Variants in SNX29 observed in about 807,000 individuals in gnomAD.
SNX29 encodes sorting nexin 29, also known as sorting nexin-29.
In SNX29, 78 loss-of-function variants were observed where a neutral mutation model predicts 102.1. The observed-to-expected ratio is 0.76, with a 90% CI of 0.64 to 0.92. The LOEUF (loss-of-function observed/expected upper bound fraction) is 0.92. Among genes scored for constraint, SNX29 ranks in the 40% least tolerant of loss-of-function variants. The pLI, the probability that SNX29 is intolerant of heterozygous loss-of-function variation, is 0.00. For missense variants in SNX29, 1,280 were observed against 1,061.7 expected (o/e 1.21, Z -2.86); for synonymous variants, 580 against 414.5 (o/e 1.40, Z -4.85).
chr16:12,024,429 A>G (rs928296324), intron 3 of SNX29, among the ~76,000 whole-genome samples: 13 of 152,288 alleles, frequency 8.5e-5, no homozygotes, highest in African/African-American at 3.1e-4. Flanking sequence ...TATAAGTGTG[A>G]GCCACCGCAC....
At position 12,568,541 on chromosome 16, in the gene SNX29, G is replaced by A. The variant is rs201373185; in HGVS notation, c.2354G>A (p.Arg785Gln). 3.3e-4 allele frequency: 537 copies of A among 1,609,642 alleles called. 2 individuals carry two copies. In the African/African-American group the frequency reaches 5.4e-3, roughly 16 times the overall value. The change falls in exon 21 of 21, where the codon CGG becomes CAG. Residue 785 changes from arginine (R) to glutamine (Q), a missense_variant. Physicochemically the swap from Arg to Gln is conservative, Grantham distance 43. Coordinates refer to ENST00000566228, the MANE Select transcript of SNX29 (RefSeq NM_032167.5). ...ITPPGEPVNS[R>Q]PKAASRFPKL... Reference sequence around the variant, plus strand: ...CCGCCCGGAGAGCCTGTGAACAGCCGGCCCAAAGCAGCTTCCCGCTTCCCC... The same window carrying A: ...CCGCCCGGAGAGCCTGTGAACAGCCAGCCCAAAGCAGCTTCCCGCTTCCCC...
chr16:12,215,298 G>A (rs1364011579), intron 14 of SNX29, among the ~76,000 whole-genome samples: 1 of 144,000 alleles, frequency 6.9e-6, no homozygotes, highest in East Asian at 2.1e-4. Flanking sequence ...AGGAGTTTGA[G>A]ACGCAATCTC....
intron 13 of SNX29, among the ~76,000 whole-genome samples, chr16:12,164,393 G>A (rs938309537): frequency 6.6e-6 from 1 of 152,158 alleles, no homozygotes; most frequent in Non-Finnish European, 1.5e-5. Context: ...CTGTAATAAG[G>A]ATTTATAAGA....
intron 13 of SNX29, among the ~76,000 whole-genome samples, chr16:12,142,658 G>A (rs986518536): frequency 1.4e-4 from 22 of 152,092 alleles, no homozygotes; most frequent in Middle Eastern, 6.8e-3. Flanking sequence ...TCTGCCTCCC[G>A]GGTTCAAGCG....
intron 7 of SNX29, 148 bp downstream of exon 7, chr16:12,048,768 C>T (rs2050190073): frequency 2.2e-6 from 3 of 1,386,732 alleles, no homozygotes; most frequent in Non-Finnish European, 3.0e-6. Flanking sequence ...TTCTCATCCT[C>T]ATTCACTCTG....
chr16:12,346,488 T>C (rs2081810537), intron 15 of SNX29, among the ~76,000 whole-genome samples: 1 of 152,132 alleles, frequency 6.6e-6, no homozygotes, highest in Non-Finnish European at 1.5e-5. Context: ...AAGTCACATC[T>C]AGGGAGTCAG....
At chr16:12,019,739 C>G (rs549774191) in intron 3 of SNX29, among the ~76,000 whole-genome samples, 1 of 151,090 alleles carries the variant, frequency 6.6e-6, no homozygotes, top group Admixed American at 6.6e-5. Flanking sequence ...CGGGTTCAAG[C>G]GATTCTCTTG....
chr16:12,032,261 T>A (rs1053449363), intron 4 of SNX29, among the ~76,000 whole-genome samples: 1 of 150,794 alleles, frequency 6.6e-6, no homozygotes, highest in African/African-American at 2.4e-5. Flanking sequence ...TGGAGTACAG[T>A]AAGTAGCGCT....
intron 14 of SNX29, among the ~76,000 whole-genome samples, chr16:12,208,810 T>C (rs1344421114): frequency 6.6e-6 from 1 of 150,704 alleles, no homozygotes; most frequent in Non-Finnish European, 1.5e-5. Context: ...TACTGCACTC[T>C]AGCTTGGGCG....
intron 20 of SNX29, among the ~76,000 whole-genome samples, chr16:12,550,313 G>A (rs1397459678): frequency 6.6e-6 from 1 of 152,088 alleles, no homozygotes; most frequent in Non-Finnish European, 1.5e-5. Context: ...AAGGTGGTTG[G>A]GTCACCTGAG....
intron 20 of SNX29, among the ~76,000 whole-genome samples, chr16:12,557,161 T>C (rs12444976): frequency 0.41 from 62,414 of 152,020 alleles, 16,291 homozygotes; most frequent in Middle Eastern, 0.61. Context: ...AATTTCCATT[T>C]TGGCTATGTT....
intron 20 of SNX29, among the ~76,000 whole-genome samples, chr16:12,553,535 A>G (rs572601074): frequency 6.6e-6 from 1 of 152,158 alleles, no homozygotes; most frequent in Non-Finnish European, 1.5e-5. Context: ...GAGGGACCCC[A>G]CAGAGCACTG....
intron 1 of SNX29, among the ~76,000 whole-genome samples, chr16:11,994,207 T>C (rs1038993600): frequency 6.6e-6 from 1 of 152,172 alleles, no homozygotes; most frequent in Admixed American, 6.5e-5. Context: ...TGAGTAGAGT[T>C]AGGGAGTGTC....
intron 15 of SNX29, among the ~76,000 whole-genome samples, chr16:12,298,997 A>T (rs942123455): frequency 5.7e-4 from 31 of 54,184 alleles, no homozygotes; most frequent in Admixed American, 8.7e-4. Flanking sequence ...ATGAGTCTTT[A>T]AAAAAAAAAA....
intron 14 of SNX29, among the ~76,000 whole-genome samples, chr16:12,272,434 A>G (rs2079118065): frequency 6.6e-6 from 1 of 152,192 alleles, no homozygotes; most frequent in South Asian, 2.1e-4. Flanking sequence ...TTGCGTATGT[A>G]TTAGCACCAG....
intron 11 of SNX29, among the ~76,000 whole-genome samples, chr16:12,106,357 C>T (rs1216019800): frequency 6.6e-6 from 1 of 152,018 alleles, no homozygotes; most frequent in Non-Finnish European, 1.5e-5. Flanking sequence ...AAGCCCAGTC[C>T]ACTCTTCTTG....
chr16:12,086,283 C>T (rs934685808), intron 11 of SNX29, among the ~76,000 whole-genome samples: 4 of 152,106 alleles, frequency 2.6e-5, no homozygotes, highest in East Asian at 1.9e-4. Context: ...GGATTACAGG[C>T]GTGAGCCACC....
rs564654384 is a variant in SNX29 at position 12,573,055 on chromosome 16, C to T, written c.*4426C>T. On this transcript the variant is annotated 3_prime_UTR_variant, in exon 21 of 21. Transcript: ENST00000566228. ...GTCCGTGCTAATTCTGCAGTTGTAG[C>T]ACTGTATATTTTATCTCATTTCTGT... The T allele has an allele frequency of 4.3e-6, 1 of 234,498 alleles. No individual in the cohort carries two copies. The highest frequency in any genetic ancestry group is 1.8e-4 in the South Asian group (1 of 5,570). The allele number at this position is 234,498 out of a possible 1,614,324, so 14.5% of individuals were successfully genotyped here. A position where few individuals can be genotyped will look rare whatever the true frequency, so the allele number is the denominator to read the frequency against.
At chr16:12,549,278 C>CA (rs1446104366) in intron 20 of SNX29, among the ~76,000 whole-genome samples, 1 of 152,132 alleles carries the variant, frequency 6.6e-6, no homozygotes, top group Non-Finnish European at 1.5e-5. Flanking sequence ...GTAGATCACT[C>CA]AGGGTCAGAA....
Sources: gnomAD v4.1 joint callset for allele counts (sites outside exome capture counted in the v4.1 genomes callset) on GRCh38, gnomAD v4.1.1 for gene constraint, MANE v1.5 for transcripts, NCBI Gene and HGNC (gene_info 2026-07-23, HGNC 2026-07-21) for gene names.